ZNF467: variants seen among roughly 807,000 people sequenced by gnomAD.
ZNF467 encodes zinc finger protein EZI.
Under a neutral mutation model 47.8 loss-of-function variants are expected in ZNF467, and 51 were observed. That is an observed-to-expected ratio of 1.07 (90% confidence interval 0.85 to 1.35). The LOEUF is 1.35. Ranked by LOEUF, ZNF467 falls within the 40% of genes most tolerant of loss-of-function variation. The pLI is 0.00. For missense variants in ZNF467, 992 were observed against 858.1 expected, an observed-to-expected ratio of 1.16 and a Z score of -1.95; for synonymous variants, 416 against 372.9, an observed-to-expected ratio of 1.12 and a Z score of -1.33.
At chr7:149,775,744 CACACACACACAA>C (rs1414645332), upstream of ZNF467, among the ~76,000 whole-genome samples, 1 of 139,228 alleles carries the variant, frequency 7.2e-6, no homozygotes, top group African/African-American at 2.8e-5. Context: ...CACACACACA[CACACACACACAA>C]AGGGAAACAG....
intron 3 of ZNF467, 46 bp downstream of exon 3, chr7:149,770,394 G>C: frequency 7.1e-7 from 1 of 1,415,648 alleles, no homozygotes; most frequent in Non-Finnish European, 9.8e-7. Context: ...CAGGAGGAAA[G>C]CAGGGGGACT....
chr7:149,764,729 G>A lies in ZNF467; in HGVS notation c.1773C>T (p.Pro591=), dbSNP rs758931399. ...AWSAPPEVAP[P]PLFF ...AGAACTAGGCTCAGAAGAAGAGCGG[G>A]GGCGGCGCCACCTCGGGGGGAGCGG... Residue 591 remains proline, a synonymous_variant, in exon 5 of 5, where the codon CCC becomes CCT. Coordinates refer to ENST00000302017, the MANE Select transcript of ZNF467 (RefSeq NM_207336.3). 4 of 1,559,290 alleles carry A rather than the reference G, an allele frequency of 2.6e-6. No individual in the cohort carries two copies. The highest frequency in any genetic ancestry group is 1.4e-5 in the African/African-American group (1 of 73,476).
intron 4 of ZNF467, among the ~76,000 whole-genome samples, chr7:149,768,601 T>A (rs148937527): frequency 3.3e-5 from 5 of 152,278 alleles, no homozygotes; most frequent in African/African-American, 1.2e-4. Context: ...AAGGAAGTCA[T>A]GGTGGGATTG....
At position 149,766,219 on chromosome 7, in the gene ZNF467, T is replaced by C. The variant is rs1799216009; in HGVS notation, c.283A>G (p.Lys95Glu). Residue 95 changes from lysine (K) to glutamate (E), a missense_variant, in exon 5 of 5, where the codon AAG (lysine) becomes GAG (glutamate). By Grantham distance (56) the Lys-to-Glu change is moderately conservative (BLOSUM62 1). Coordinates refer to ENST00000302017, the MANE Select transcript of ZNF467 (RefSeq NM_207336.3). ...TCPGEEWMIRKVKVEDEDQEA... is the reference protein window; with the variant it reads ...TCPGEEWMIREVKVEDEDQEA... ...TGATCTTCGTCCTCCACCTTCACCT[T>C]CCGAATCATCCACTCCTCTCCTGGA... The C allele has an allele frequency of 1.3e-6, 2 of 1,523,626 alleles. No individual in the cohort carries two copies. The allele number at this position is 1,523,626 out of a possible 1,614,324, so 94.4% of individuals were successfully genotyped here. A position where few individuals can be genotyped will look rare whatever the true frequency, so the allele number is the denominator to read the frequency against.
Position 149,765,700 on chromosome 7 carries a change from C to T in ZNF467, c.802G>A (p.Gly268Ser). 3 of 1,613,466 alleles carry T rather than the reference C, an allele frequency of 1.9e-6. No homozygotes were observed. Among genetic ancestry groups the T allele is most frequent in the Non-Finnish European group, 2.5e-6 (3 of 1,179,814 alleles). ...HLGSHQKTHT[G>S]ERPFPCTECE... ...TCCGTGCAGGGGAAGGGCCGCTCGCCGGTGTGGGTCTTTTGGTGCGAGCCC... is the reference window on the plus strand; with the variant it reads ...TCCGTGCAGGGGAAGGGCCGCTCGCTGGTGTGGGTCTTTTGGTGCGAGCCC... The change falls in exon 5 of 5, where the codon GGC (glycine) becomes AGC (serine). Residue 268 changes from glycine to serine, a missense_variant. Transcript: ENST00000302017.
upstream of ZNF467, chr7:149,776,035 G>T (rs35458023): frequency 0.012 from 17,036 of 1,365,174 alleles, 751 homozygotes; most frequent in African/African-American, 0.14. Context: ...CTGGGGGTGA[G>T]GGCACCATGC....
chr7:149,776,008 C>T (rs376761807), upstream of ZNF467: 60 of 1,357,206 alleles, frequency 4.4e-5, no homozygotes, highest in Admixed American at 1.3e-4. Flanking sequence ...CCAAGCCTCA[C>T]GTTCCCCAAA....
Position 149,764,697 on chromosome 7 carries a change from C to G in ZNF467, c.*17G>C, listed in dbSNP as rs1223339595. 5 of 1,582,802 alleles carry G rather than the reference C, an allele frequency of 3.2e-6. No individual in the cohort carries two copies. The East Asian group carries it at 1.1e-4, about 36-fold the overall frequency. Reference sequence around the variant, plus strand: ...CTCGAAACTGTGGGCAAGAAAGGGTCCTCGTGAGAACTAGGCTCAGAAGAA... The same window carrying G: ...CTCGAAACTGTGGGCAAGAAAGGGTGCTCGTGAGAACTAGGCTCAGAAGAA... On this transcript the variant is annotated 3_prime_UTR_variant, in exon 5 of 5. Coordinates refer to ENST00000302017, the MANE Select transcript of ZNF467 (RefSeq NM_207336.3).
intron 1 of ZNF467, among the ~76,000 whole-genome samples, chr7:149,771,915 C>T (rs893027940): frequency 3.3e-5 from 5 of 150,762 alleles, no homozygotes; most frequent in Non-Finnish European, 7.4e-5. Context: ...CGGCCCTCCG[C>T]TGCCACCGCC....
chr7:149,764,643 C>G lies in ZNF467; in HGVS notation c.*71G>C, dbSNP rs188408041. 181 of 1,555,014 alleles carry G rather than the reference C, an allele frequency of 1.2e-4. No individual in the cohort carries two copies. The highest frequency in any genetic ancestry group is 1.4e-4 in the Non-Finnish European group (162 of 1,149,202). On this transcript the variant is annotated 3_prime_UTR_variant, in exon 5 of 5. Coordinates refer to ENST00000302017, the MANE Select transcript of ZNF467 (RefSeq NM_207336.3). ...GGGCAGCAGCCCAGGTCGCCTTGCT[C>G]ACCCCAGGCGGTCTCATGGCACGGG...
In ZNF467 at chr7:149,765,887, C is replaced by A; in HGVS notation, c.615G>T (p.Leu205=). 1 of 1,589,770 alleles carries A rather than the reference C, an allele frequency of 6.3e-7. No homozygotes were observed. Among genetic ancestry groups the A allele is most frequent in the African/African-American group, 1.3e-5 (1 of 74,474 alleles). ...RSFTQRAHML[L]HQRSHRGERP... ...GCTCGCCGCGGTGGCTGCGCTGATG[C>A]AGTAGCATGTGGGCGCGCTGCGTGA... Residue 205 remains leucine, a synonymous_variant, in exon 5 of 5, where the codon CTG becomes CTT. Coordinates refer to ENST00000302017, the MANE Select transcript of ZNF467 (RefSeq NM_207336.3).
chr7:149,764,304 G>C lies in ZNF467; in HGVS notation c.*410C>G. The C allele has an allele frequency of 4.7e-6, 2 of 428,008 alleles. No individual in the cohort carries two copies. The highest frequency in any genetic ancestry group is 4.1e-6 in the Non-Finnish European group (1 of 244,032). 26.5% of individuals were successfully genotyped at this position (428,008 alleles called of 1,614,324 possible). On this transcript the variant is annotated 3_prime_UTR_variant, in exon 5 of 5. Transcript: ENST00000302017. ...GTGGTCTGTGTGTGGATGGAGGTGGGACAGTGGCTAAGGAGAGTCAGGTGT... is the reference window on the plus strand; with the variant it reads ...GTGGTCTGTGTGTGGATGGAGGTGGCACAGTGGCTAAGGAGAGTCAGGTGT...
At chr7:149,771,581 T>C (rs940637097) in intron 1 of ZNF467, among the ~76,000 whole-genome samples, 3 of 152,152 alleles carry the variant, frequency 2.0e-5, no homozygotes, top group East Asian at 1.9e-4. Flanking sequence ...AGGATCCTCT[T>C]GTAGCTAGAA....
Position 149,764,933 on chromosome 7 carries a change from G to A in ZNF467, c.1569C>T (p.Ser523=). Residue 523 remains serine (S), a synonymous_variant, in exon 5 of 5, where the codon AGC becomes AGT. Coordinates refer to ENST00000302017, the MANE Select transcript of ZNF467 (RefSeq NM_207336.3). The stretch of plus-strand genomic sequence containing the variant: ...GGACTAGGTTGGTTTTGGAGCTGAA[G>A]CTGCGGGCGCAGACGGCGCAGGCGT... ...RPHACAVCAR[S]FSSKTNLVRH... is the part of the protein sequence containing the mutation. The A allele has an allele frequency of 1.3e-6, 2 of 1,576,032 alleles. No homozygotes were observed. Among genetic ancestry groups the A allele is most frequent in the East Asian group, 4.5e-5 (2 of 44,260 alleles).
rs1799492991 is a variant in ZNF467 at position 149,773,495 on chromosome 7, AG to A, written c.-431del. ...GTGGGAGCTCAGGACGGGGGAGGGG[AG>A]GGGAGGGGAGGGGAGGGTGATGGGA... On this transcript the variant is annotated 5_prime_UTR_variant, in exon 1 of 5. Transcript: ENST00000302017. 3.1e-4 allele frequency: 1 copy of A among 3,262 alleles called. No individual in the cohort carries two copies. Among genetic ancestry groups the A allele is most frequent in the Non-Finnish European group, 6.2e-4 (1 of 1,612 alleles). 0.2% of individuals were successfully genotyped at this position (3,262 alleles called of 1,614,324 possible). A position where few individuals can be genotyped will look rare whatever the true frequency, so the allele number is the denominator to read the frequency against.
At position 149,766,200 on chromosome 7, in the gene ZNF467, T is replaced by G; in HGVS notation, c.302A>C (p.Glu101Ala). 1 of 1,538,534 alleles carries G rather than the reference T, an allele frequency of 6.5e-7. No individual in the cohort carries two copies. Among genetic ancestry groups the G allele is most frequent in the South Asian group, 1.2e-5 (1 of 80,416 alleles). Reference protein sequence around the residue: ...WMIRKVKVEDEDQEAEEEVEW... With the variant: ...WMIRKVKVEDADQEAEEEVEW... ...GACCTCCTCTTCTGCCTCCTGATCT[T>G]CGTCCTCCACCTTCACCTTCCGAAT... Residue 101 changes from glutamate to alanine, a missense_variant, in exon 5 of 5, where the codon GAA becomes GCA. Physicochemically the swap from Glu to Ala is moderately radical, Grantham distance 107. Coordinates refer to ENST00000302017, the MANE Select transcript of ZNF467 (RefSeq NM_207336.3).
upstream of ZNF467, among the ~76,000 whole-genome samples, chr7:149,775,001 G>C (rs1383805426): frequency 6.6e-6 from 1 of 152,190 alleles, no homozygotes; most frequent in African/African-American, 2.4e-5. Context: ...TCCAGCCCGG[G>C]TGTCCGGGTG....
Position 149,765,181 on chromosome 7 carries a change from A to C in ZNF467, c.1321T>G (p.Ser441Ala), listed in dbSNP as rs1280591840. 2.7e-6 allele frequency: 4 copies of C among 1,502,768 alleles called. No individual in the cohort carries two copies. In the African/African-American group the frequency reaches 5.7e-5, roughly 21 times the overall value. The allele number at this position is 1,502,768 out of a possible 1,614,324, so 93.1% of individuals were successfully genotyped here. A position where few individuals can be genotyped will look rare whatever the true frequency, so the allele number is the denominator to read the frequency against. ...TGCCGCGCCAGGTGCTGCCCATGGG[A>C]GAAGCCGCGCCCGCAGTCCGGGCAG... ...FFCPDCGRGF[S>A]HGQHLARHPR... The change falls in exon 5 of 5, where the codon TCC (serine) becomes GCC (alanine). Residue 441 changes from serine to alanine, a missense_variant. By Grantham distance (99) the Ser-to-Ala change is moderately conservative. Transcript: ENST00000302017.
At chr7:149,768,429 G>A (rs1389555036) in intron 4 of ZNF467, among the ~76,000 whole-genome samples, 1 of 152,226 alleles carries the variant, frequency 6.6e-6, no homozygotes, top group Non-Finnish European at 1.5e-5. Context: ...AGGGCACTCA[G>A]CTAGTAAATG....
Sources: allele counts gnomAD v4.1 joint callset (sites outside exome capture counted in the v4.1 genomes callset), GRCh38; gene constraint gnomAD v4.1.1; transcripts MANE v1.5; gene names NCBI Gene and HGNC (gene_info 2026-07-23, HGNC 2026-07-21).